The following UGGT2 variants were observed in gnomAD, a reference collection of about 807,000 sequenced individuals.
UGGT2 encodes the protein UDP-glucose:glycoprotein glucosyltransferase 2.
UGGT2 carries 180 observed loss-of-function variants against 192.1 expected under a neutral mutation model. The observed-to-expected ratio is 0.94, with a 90% CI of 0.83 to 1.06. The LOEUF (loss-of-function observed/expected upper bound fraction) is 1.06. Among genes scored for constraint, UGGT2 ranks in the 50% least tolerant of loss-of-function variants. The pLI is 0.00. For missense variants in UGGT2, 1,849 were observed against 1,795.7 expected (o/e 1.03, Z -0.54); for synonymous variants, 580 against 591.0 (o/e 0.98, Z 0.27).
chr13:96,009,750 G>C (rs897938605), intron 5 of UGGT2, among the ~76,000 whole-genome samples: 2 of 152,170 alleles, frequency 1.3e-5, no homozygotes, highest in Non-Finnish European at 2.9e-5. Context: ...GGAGGTTGCA[G>C]TGAGCCGAGA....
rs2047586226 is a variant in UGGT2 at position 95,884,428 on chromosome 13, G to GT, written c.3228+62dup. The GT allele has an allele frequency of 1.4e-4, 193 of 1,333,454 alleles. 1 individual carries two copies. The South Asian group carries it at 3.4e-3, about 24-fold the overall frequency. The allele number at this position is 1,333,454 out of a possible 1,614,324, so 82.6% of individuals were successfully genotyped here. A position where few individuals can be genotyped will look rare whatever the true frequency, so the allele number is the denominator to read the frequency against. The stretch of plus-strand genomic sequence containing the variant: ...GTATGATTGCTCACTTGCTACAATT[G>GT]TAATAGCTGATAAGAATTTATCCTG... On this transcript the variant is annotated intron_variant, in intron 27 of 38. Transcript: ENST00000376747.
chr13:96,048,499 G>A (rs991770419), intron 1 of UGGT2, among the ~76,000 whole-genome samples: 1 of 152,098 alleles, frequency 6.6e-6, no homozygotes, highest in African/African-American at 2.4e-5. Flanking sequence ...AAAACTGAAG[G>A]AGATAGAGAC....
At chr13:95,857,426 G>GA (rs1387899610) in intron 33 of UGGT2, among the ~76,000 whole-genome samples, 7 of 152,084 alleles carry the variant, frequency 4.6e-5, no homozygotes, top group Admixed American at 2.0e-4. Context: ...ATTATCTACA[G>GA]AAAAAAGTGC....
intron 12 of UGGT2, among the ~76,000 whole-genome samples, chr13:95,955,256 G>A (rs1205753224): frequency 6.6e-6 from 1 of 152,300 alleles, no homozygotes; most frequent in East Asian, 1.9e-4. Flanking sequence ...GCGGCCTAAA[G>A]TCTGTGTCCA....
chr13:95,910,411 GA>G (rs1277506623), intron 20 of UGGT2, among the ~76,000 whole-genome samples: 2 of 151,688 alleles, frequency 1.3e-5, no homozygotes, highest in Non-Finnish European at 2.9e-5. Context: ...CAAGCAAATG[GA>G]AAGAAAAAAG....
intron 20 of UGGT2, among the ~76,000 whole-genome samples, chr13:95,910,152 G>A (rs999428279): frequency 6.6e-6 from 1 of 152,172 alleles, no homozygotes; most frequent in Non-Finnish European, 1.5e-5. Context: ...AAACTGTAAA[G>A]ACCATTGGTG....
At chr13:95,995,979 G>C (rs867473719) in intron 7 of UGGT2, 84 bp downstream of exon 7, 1 of 1,154,426 alleles carries the variant, frequency 8.7e-7, no homozygotes, top group Non-Finnish European at 1.3e-6. Flanking sequence ...GAAAGGTGAA[G>C]CATATGGCAA....
intron 12 of UGGT2, among the ~76,000 whole-genome samples, chr13:95,964,753 TTAAAC>T (rs1484359416): frequency 6.6e-6 from 1 of 152,044 alleles, no homozygotes; most frequent in Non-Finnish European, 1.5e-5. Context: ...TGGGATCTAA[TTAAAC>T]TAAAGAGCTT....
intron 26 of UGGT2, 40 bp from the exon 27 acceptor site, chr13:95,884,720 T>G (rs761018333): frequency 2.0e-6 from 3 of 1,527,170 alleles, no homozygotes; most frequent in Non-Finnish European, 2.6e-6. Context: ...TGACCAAAAC[T>G]GAGATTTTTC....
At chr13:95,885,430 AGTTAC>A (rs1333824289) in intron 26 of UGGT2, among the ~76,000 whole-genome samples, 1 of 152,222 alleles carries the variant, frequency 6.6e-6, no homozygotes, top group African/African-American at 2.4e-5. Flanking sequence ...GACTGCTTGC[AGTTAC>A]TTCCCAAAAA....
At chr13:95,815,514 A>AT (rs1238893764) in intron 38 of UGGT2, among the ~76,000 whole-genome samples, 1 of 152,236 alleles carries the variant, frequency 6.6e-6, no homozygotes, top group African/African-American at 2.4e-5. Flanking sequence ...TCTTAGTAAA[A>AT]TATGTACACT....
chr13:95,882,029 C>T (rs2047509696), intron 27 of UGGT2, among the ~76,000 whole-genome samples: 1 of 152,056 alleles, frequency 6.6e-6, no homozygotes, highest in Non-Finnish European at 1.5e-5. Flanking sequence ...CTGCCTCAGC[C>T]TCCTGAGTAG....
chr13:95,964,081 C>A (rs2050489089), intron 12 of UGGT2, among the ~76,000 whole-genome samples: 1 of 152,068 alleles, frequency 6.6e-6, no homozygotes, highest in South Asian at 2.1e-4. Context: ...AATATAGTTA[C>A]AGTAACCAAA....
rs1279017407 is a variant in UGGT2, at chr13:96,044,344, G to A, written c.158+8811C>T. On this transcript the variant is annotated intron_variant, in intron 1 of 38. Transcript: ENST00000376747. ...AGTGACACAACCTATCAAAACCTCT[G>A]GGATACAGCAAAGGCTCTGCTAAGA... Among the ~76,000 whole-genome samples the A allele has an allele frequency of 2.6e-5, 4 of 152,120 alleles. No homozygotes were observed. The East Asian group carries it at 7.7e-4, about 29-fold the overall frequency.
intron 20 of UGGT2, among the ~76,000 whole-genome samples, chr13:95,925,101 G>A (rs1046047608): frequency 1.3e-5 from 2 of 152,032 alleles, no homozygotes; most frequent in Non-Finnish European, 2.9e-5. Context: ...TGTTTCTTAA[G>A]TATTTTTTAT....
At chr13:96,045,620 T>C (rs979102844) in intron 1 of UGGT2, among the ~76,000 whole-genome samples, 3 of 152,140 alleles carry the variant, frequency 2.0e-5, no homozygotes, top group Non-Finnish European at 4.4e-5. Flanking sequence ...CAAGAACTGA[T>C]AAAAGAATTC....
chr13:95,805,805 G>A (rs956758786), intron 38 of UGGT2, among the ~76,000 whole-genome samples: 2 of 152,020 alleles, frequency 1.3e-5, no homozygotes, highest in African/African-American at 4.8e-5. Flanking sequence ...TGAGTATAGA[G>A]TTTCAGATTT....
chr13:95,818,252 G>A (rs866232669), intron 38 of UGGT2, among the ~76,000 whole-genome samples: 2 of 152,200 alleles, frequency 1.3e-5, no homozygotes, highest in South Asian at 2.1e-4. Context: ...GATCGAGGAT[G>A]CAATGAGCCA....
At chr13:96,037,024 A>C (rs2053024678) in intron 1 of UGGT2, among the ~76,000 whole-genome samples, 1 of 152,250 alleles carries the variant, frequency 6.6e-6, no homozygotes. Flanking sequence ...TCTTCAAAAA[A>C]TTCTACCCAG....
Sources: gnomAD v4.1 joint callset for allele counts (sites outside exome capture counted in the v4.1 genomes callset) on GRCh38, gnomAD v4.1.1 for gene constraint, MANE v1.5 for transcripts, NCBI Gene and HGNC (gene_info 2026-07-23, HGNC 2026-07-21) for gene names.